FAM135B: variants seen among roughly 807,000 people sequenced by gnomAD.
The protein encoded by FAM135B is family with sequence similarity 135 member B, also known as protein FAM135B.
Under a neutral mutation model 127.7 loss-of-function variants are expected in FAM135B, and 43 were observed. The ratio of observed to expected loss-of-function variants is 0.34; its 90% confidence interval spans 0.26 to 0.43. FAM135B has a LOEUF of 0.43. Ranked by LOEUF, FAM135B falls within the 20% of genes least tolerant of loss-of-function variation. The pLI is 1.00. For missense variants in FAM135B, 1,558 were observed against 1,725.6 expected (o/e 0.90, Z 1.72); for synonymous variants, 670 against 665.1 (o/e 1.01, Z -0.11).
intron 7 of FAM135B, among the ~76,000 whole-genome samples, chr8:138,223,747 C>T (rs942754963): frequency 7.2e-5 from 11 of 152,168 alleles, no homozygotes; most frequent in Admixed American, 2.0e-4. Context: ...ACATGTTCTT[C>T]GCAGCACTAT....
At chr8:138,338,036 T>A (rs77309192) in intron 2 of FAM135B, among the ~76,000 whole-genome samples, 2 of 152,102 alleles carry the variant, frequency 1.3e-5, no homozygotes, top group South Asian at 2.1e-4. Context: ...TAAATGGTGC[T>A]GGGAAAACTG....
At chr8:138,435,322 A>G (rs1475249191) in intron 1 of FAM135B, among the ~76,000 whole-genome samples, 1 of 152,034 alleles carries the variant, frequency 6.6e-6, no homozygotes, top group South Asian at 2.1e-4. Flanking sequence ...AAAAGAAAAA[A>G]AAAGAAGCCA....
chr8:138,294,188 C>A (rs1394812239), intron 3 of FAM135B, among the ~76,000 whole-genome samples: 1 of 152,054 alleles, frequency 6.6e-6, no homozygotes, highest in Admixed American at 6.6e-5. Context: ...GGGAGCTAGA[C>A]TGTGGGTATG....
In FAM135B at chr8:138,151,740, T is replaced by C. The variant is rs552230727; in HGVS notation, c.2735A>G (p.Asn912Ser). The C allele has an allele frequency of 1.9e-6, 3 of 1,614,174 alleles. No homozygotes were observed. The highest frequency in any genetic ancestry group is 2.7e-5 in the African/African-American group (2 of 75,056). The part of the protein sequence containing the change: ...ETPKGMPKDL[N>S]VGQQALSNSG... ...GTTGGAAAGAGCTTGCTGACCCACA[T>C]TCAAGTCTTTAGGCATGCCCTTTGG... is the stretch of plus-strand genomic sequence containing the variant. The change falls in exon 13 of 20, where the codon AAT becomes AGT. Residue 912 changes from asparagine to serine, a missense_variant. Physicochemically the swap from Asn to Ser is conservative, Grantham distance 46. This residue lies in a region of FAM135B where 923 missense variants were observed against 865.3 expected (regional missense o/e 1.07). Transcript: ENST00000395297.
chr8:138,225,538 T>G (rs1444519492), intron 7 of FAM135B, among the ~76,000 whole-genome samples: 3 of 149,182 alleles, frequency 2.0e-5, no homozygotes, highest in Non-Finnish European at 4.5e-5. Flanking sequence ...GCTGTGTAGG[T>G]GTGTGTGTGT....
intron 1 of FAM135B, among the ~76,000 whole-genome samples, chr8:138,474,249 T>G (rs1169447952): frequency 6.6e-6 from 1 of 152,134 alleles, no homozygotes; most frequent in Admixed American, 6.6e-5. Context: ...AGTAAGGACG[T>G]TGAGGCCAGA....
chr8:138,422,742 C>T (rs1607553), intron 1 of FAM135B, among the ~76,000 whole-genome samples: 10,355 of 152,108 alleles, frequency 0.068, 781 homozygotes, highest in East Asian at 0.26. Flanking sequence ...TATCATTCAA[C>T]CCAGCAATTG....
chr8:138,333,955 C>T (rs544493747), intron 2 of FAM135B, among the ~76,000 whole-genome samples: 7 of 152,284 alleles, frequency 4.6e-5, no homozygotes, highest in African/African-American at 1.7e-4. Flanking sequence ...AGGAGTCTCG[C>T]TCTGTCTCCC....
At chr8:138,449,042 A>C (rs1836346231) in intron 1 of FAM135B, among the ~76,000 whole-genome samples, 1 of 152,168 alleles carries the variant, frequency 6.6e-6, no homozygotes. Context: ...TCTTTTAAAC[A>C]ATTATCTAAT....
chr8:138,339,099 G>T (rs1187635196), intron 2 of FAM135B, among the ~76,000 whole-genome samples: 2 of 147,178 alleles, frequency 1.4e-5, no homozygotes, highest in Non-Finnish European at 3.0e-5. Context: ...ATCACACACC[G>T]GGGCCTGTCA....
At chr8:138,181,546 C>T (rs1026162355) in intron 9 of FAM135B, among the ~76,000 whole-genome samples, 5 of 152,254 alleles carry the variant, frequency 3.3e-5, no homozygotes, top group African/African-American at 1.2e-4. Flanking sequence ...TGGTCCTCTC[C>T]AATCCCAGGC....
chr8:138,371,218 G>A (rs553924526), intron 1 of FAM135B, among the ~76,000 whole-genome samples: 1 of 152,264 alleles, frequency 6.6e-6, no homozygotes, highest in South Asian at 2.1e-4. Flanking sequence ...CCCTATAAAA[G>A]TGTCTTCATG....
intron 7 of FAM135B, among the ~76,000 whole-genome samples, chr8:138,223,006 G>A (rs1819152756): frequency 6.6e-6 from 1 of 152,126 alleles, no homozygotes; most frequent in South Asian, 2.1e-4. Flanking sequence ...TGTGAACTGG[G>A]TCCTTTTCAT....
chr8:138,386,574 T>C (rs913319655), intron 1 of FAM135B, among the ~76,000 whole-genome samples: 8 of 152,228 alleles, frequency 5.3e-5, no homozygotes, highest in Non-Finnish European at 1.0e-4. Context: ...AACTGTGGTA[T>C]AGAATGAATT....
intron 7 of FAM135B, among the ~76,000 whole-genome samples, chr8:138,232,021 A>G (rs1418112697): frequency 6.6e-6 from 1 of 152,226 alleles, no homozygotes; most frequent in Non-Finnish European, 1.5e-5. Flanking sequence ...TCATCTTCCC[A>G]TTAAGAAAAG....
At chr8:138,333,568 C>T (rs1337240247) in intron 2 of FAM135B, among the ~76,000 whole-genome samples, 1 of 152,148 alleles carries the variant, frequency 6.6e-6, no homozygotes, top group Non-Finnish European at 1.5e-5. Flanking sequence ...AAAGATAATA[C>T]CACATCACCA....
intron 1 of FAM135B, among the ~76,000 whole-genome samples, chr8:138,458,952 G>A (rs1447672684): frequency 6.6e-6 from 1 of 152,094 alleles, no homozygotes; most frequent in Non-Finnish European, 1.5e-5. Context: ...GGCATGTACT[G>A]GTGGCCACAC....
intron 19 of FAM135B, among the ~76,000 whole-genome samples, chr8:138,133,733 C>T (rs1240103931): frequency 1.3e-5 from 2 of 152,154 alleles, no homozygotes; most frequent in Non-Finnish European, 2.9e-5. Context: ...GACACTCTCT[C>T]ATGCCACGTG....
chr8:138,332,699 T>G (rs1379949941), intron 2 of FAM135B, among the ~76,000 whole-genome samples: 4 of 151,730 alleles, frequency 2.6e-5, no homozygotes. Context: ...GAACACGGAG[T>G]GCAGGAAACC....
Sources: allele counts gnomAD v4.1 joint callset (sites outside exome capture counted in the v4.1 genomes callset), GRCh38; gene constraint gnomAD v4.1.1; regional missense constraint gnomAD v4.1.1; transcripts MANE v1.5; gene names NCBI Gene and HGNC (gene_info 2026-07-23, HGNC 2026-07-21).